Variants in NLGN1 observed in about 807,000 individuals in gnomAD.
NLGN1 encodes the protein neuroligin 1.
Under a neutral mutation model 65.5 loss-of-function variants are expected in NLGN1, and 12 were observed. The ratio of observed to expected loss-of-function variants is 0.18; its 90% CI spans 0.12 to 0.30. The LOEUF (loss-of-function observed/expected upper bound fraction) is 0.30. Among genes scored for constraint, NLGN1 ranks in the 10% least tolerant of loss-of-function variants. The pLI is 1.00. For missense variants in NLGN1, 750 were observed against 1,007.1 expected (o/e 0.74, Z 3.46); for synonymous variants, 350 against 359.5 (o/e 0.97, Z 0.30).
chr3:173,901,645 C>A (rs1737405521), intron 4 of NLGN1, among the ~76,000 whole-genome samples: 1 of 151,916 alleles, frequency 6.6e-6, no homozygotes, highest in Non-Finnish European at 1.5e-5. Flanking sequence ...ATAGTAATAT[C>A]TCTCTTTGTG....
chr3:173,909,016 C>T (rs188901185), intron 4 of NLGN1, among the ~76,000 whole-genome samples: 174 of 152,144 alleles, frequency 1.1e-3, no homozygotes, highest in Non-Finnish European at 1.9e-3. Flanking sequence ...ACAAAGTATC[C>T]CTCTCTACCA....
intron 3 of NLGN1, among the ~76,000 whole-genome samples, chr3:173,760,547 T>A (rs1777821801): frequency 6.6e-6 from 1 of 152,030 alleles, no homozygotes; most frequent in Non-Finnish European, 1.5e-5. Context: ...ATGTAATCTC[T>A]CAATGTGCTA....
intron 4 of NLGN1, among the ~76,000 whole-genome samples, chr3:173,998,273 A>C (rs1722652751): frequency 6.6e-6 from 1 of 152,086 alleles, no homozygotes; most frequent in African/African-American, 2.4e-5. Flanking sequence ...TTGCCATATT[A>C]CTTTGGGAAT....
intron 4 of NLGN1, among the ~76,000 whole-genome samples, chr3:174,206,321 T>C (rs1372049276): frequency 2.0e-5 from 3 of 152,168 alleles, no homozygotes; most frequent in African/African-American, 7.2e-5. Context: ...GGCTCGAGGA[T>C]CACACCAACT....
At chr3:173,787,028 C>T (rs1782086182) in intron 3 of NLGN1, among the ~76,000 whole-genome samples, 1 of 150,680 alleles carries the variant, frequency 6.6e-6, no homozygotes, top group Admixed American at 6.6e-5. Flanking sequence ...AGTGAGCCGA[C>T]ATCACGCCAT....
At chr3:174,256,265 G>A (rs954862074) in intron 4 of NLGN1, among the ~76,000 whole-genome samples, 1 of 152,190 alleles carries the variant, frequency 6.6e-6, no homozygotes, top group Non-Finnish European at 1.5e-5. Context: ...GTGACAACTT[G>A]TCAAGAGCGC....
At chr3:174,002,858 G>A (rs936374176) in intron 4 of NLGN1, among the ~76,000 whole-genome samples, 1 of 152,214 alleles carries the variant, frequency 6.6e-6, no homozygotes, top group Non-Finnish European at 1.5e-5. Context: ...GCTATTCATT[G>A]CAAGTAGAAA....
chr3:174,096,990 A>C (rs1745648488), intron 4 of NLGN1, among the ~76,000 whole-genome samples: 1 of 151,972 alleles, frequency 6.6e-6, no homozygotes, highest in Non-Finnish European at 1.5e-5. Flanking sequence ...TGTGTCTATA[A>C]GTTTTTTTTT....
At chr3:174,160,030 T>C (rs772426800) in intron 4 of NLGN1, among the ~76,000 whole-genome samples, 1 of 151,752 alleles carries the variant, frequency 6.6e-6, no homozygotes, top group Non-Finnish European at 1.5e-5. Flanking sequence ...TTTAAATATA[T>C]TCCTGATTTT....
At chr3:173,866,152 G>A (rs1439257901) in intron 4 of NLGN1, among the ~76,000 whole-genome samples, 1 of 152,170 alleles carries the variant, frequency 6.6e-6, no homozygotes, top group African/African-American at 2.4e-5. Flanking sequence ...TTGAAAGAAT[G>A]TATTTGTGAA....
intron 1 of NLGN1, among the ~76,000 whole-genome samples, chr3:173,407,222 T>G (rs1025783068): frequency 2.0e-5 from 3 of 152,196 alleles, no homozygotes; most frequent in Admixed American, 2.0e-4. Context: ...TAAGGTGGTT[T>G]GTAAAACATA....
intron 3 of NLGN1, among the ~76,000 whole-genome samples, chr3:173,652,521 C>T (rs758334943): frequency 1.1e-4 from 17 of 152,030 alleles, no homozygotes; most frequent in Non-Finnish European, 2.5e-4. Context: ...GCTGTCCTTT[C>T]CCTGGTGTAC....
chr3:173,886,344 T>G (rs570855925), intron 4 of NLGN1, among the ~76,000 whole-genome samples: 4 of 152,072 alleles, frequency 2.6e-5, no homozygotes, highest in Non-Finnish European at 5.9e-5. Flanking sequence ...AAATTTACTG[T>G]TACATGAACA....
intron 4 of NLGN1, among the ~76,000 whole-genome samples, chr3:174,232,563 C>CA (rs1372040695): frequency 1.3e-5 from 2 of 152,186 alleles, no homozygotes; most frequent in African/African-American, 4.8e-5. Flanking sequence ...AATGAAGACT[C>CA]AACTTCCCAA....
chr3:173,505,629 G>A (rs484341), intron 2 of NLGN1, among the ~76,000 whole-genome samples: 126,972 of 151,952 alleles, frequency 0.84, 53,222 homozygotes, highest in East Asian at 0.96. Context: ...CTCTGCATCC[G>A]TTGTACCTTA....
intron 4 of NLGN1, among the ~76,000 whole-genome samples, chr3:173,934,240 A>G (rs1428051693): frequency 1.3e-5 from 2 of 149,090 alleles, no homozygotes; most frequent in African/African-American, 4.9e-5. Context: ...ATAATAATGT[A>G]CTATTATAGT....
rs186308094 is a variant in NLGN1 at position 174,177,898 on chromosome 3, C to T, written c.647-97417C>T. Among the ~76,000 whole-genome samples the T allele has an allele frequency of 8.2e-4, 125 of 152,090 alleles. No homozygotes were observed. In the Middle Eastern group the frequency reaches 0.017, roughly 21 times the overall value. On this transcript the variant is annotated intron_variant, in intron 4 of 6. Transcript: ENST00000457714. ...AACAGCCTAGACAGCAATACTGCCC[C>T]GGATGTACCTGCCTCATCATGGGAA...
chr3:173,881,927 G>C (rs1159029305), intron 4 of NLGN1, among the ~76,000 whole-genome samples: 2 of 152,136 alleles, frequency 1.3e-5, no homozygotes, highest in Non-Finnish European at 2.9e-5. Context: ...AGATTCGTCA[G>C]AAGAATCACT....
intron 4 of NLGN1, among the ~76,000 whole-genome samples, chr3:174,065,192 A>C (rs1738253361): frequency 6.6e-6 from 1 of 152,080 alleles, no homozygotes; most frequent in Non-Finnish European, 1.5e-5. Flanking sequence ...GCATTTGCAC[A>C]AATAATGAGA....
Sources: allele counts gnomAD v4.1 joint callset (sites outside exome capture counted in the v4.1 genomes callset), GRCh38; gene constraint gnomAD v4.1.1; transcripts MANE v1.5; gene names NCBI Gene and HGNC (gene_info 2026-07-23, HGNC 2026-07-21).